CNBD1: variants seen among roughly 807,000 people sequenced by gnomAD.
CNBD1 encodes the protein cyclic nucleotide binding domain containing 1.
Under a neutral mutation model 54.4 loss-of-function variants are expected in CNBD1, and 71 were observed. The ratio of observed to expected loss-of-function variants is 1.30; its 90% CI spans 1.08 to 1.59. CNBD1 has a LOEUF of 1.59. Among genes scored for constraint, CNBD1 ranks in the 40% most tolerant of loss-of-function variants. The pLI is 0.00. For synonymous variants in CNBD1, 182 were observed against 170.7 expected (o/e 1.07, Z -0.51); for missense variants, 659 against 518.0 (o/e 1.27, Z -2.64).
intron 4 of CNBD1, among the ~76,000 whole-genome samples, chr8:87,100,980 A>G (rs1811418345): frequency 6.6e-6 from 1 of 152,178 alleles, no homozygotes; most frequent in South Asian, 2.1e-4. Flanking sequence ...AGAGAAATAA[A>G]TGAAACAAAA....
At chr8:87,001,751 T>C (rs1344995074) in intron 4 of CNBD1, among the ~76,000 whole-genome samples, 1 of 152,170 alleles carries the variant, frequency 6.6e-6, no homozygotes, top group Non-Finnish European at 1.5e-5. Flanking sequence ...CAAAGTGTTT[T>C]ACCTTCTGAG....
At chr8:87,207,266 T>A (rs1036230015) in intron 5 of CNBD1, among the ~76,000 whole-genome samples, 7 of 152,150 alleles carry the variant, frequency 4.6e-5, no homozygotes, top group Admixed American at 6.5e-5. Flanking sequence ...GGGAACAATC[T>A]AAATGTCCTT....
intron 6 of CNBD1, among the ~76,000 whole-genome samples, chr8:87,276,589 C>T (rs920124165): frequency 6.6e-6 from 1 of 151,840 alleles, no homozygotes; most frequent in Admixed American, 6.6e-5. Flanking sequence ...TATTGAATGT[C>T]AGTCTGCTTT....
chr8:86,933,315 C>T (rs190679502), intron 3 of CNBD1, among the ~76,000 whole-genome samples: 14 of 152,162 alleles, frequency 9.2e-5, no homozygotes, highest in Admixed American at 2.6e-4. Context: ...AACAAAAATC[C>T]AATTCACTAC....
At chr8:87,011,601 G>A (rs1233058432) in intron 4 of CNBD1, among the ~76,000 whole-genome samples, 1 of 149,292 alleles carries the variant, frequency 6.7e-6, no homozygotes, top group Non-Finnish European at 1.5e-5. Context: ...TAAAAATGTT[G>A]TAAAAAAATC....
intron 8 of CNBD1, among the ~76,000 whole-genome samples, chr8:87,315,844 C>A (rs775988570): frequency 2.6e-5 from 4 of 151,872 alleles, no homozygotes; most frequent in Non-Finnish European, 5.9e-5. Context: ...AAGTAGGTAG[C>A]AGAGAAGATT....
intron 6 of CNBD1, among the ~76,000 whole-genome samples, chr8:87,277,793 A>G (rs1808514002): frequency 6.6e-6 from 1 of 151,750 alleles, no homozygotes; most frequent in African/African-American, 2.4e-5. Flanking sequence ...AGCTAGAACA[A>G]TCAATGGTTT....
chr8:86,922,478 G>A (rs1038562016), intron 3 of CNBD1, among the ~76,000 whole-genome samples: 1 of 152,146 alleles, frequency 6.6e-6, no homozygotes, highest in Non-Finnish European at 1.5e-5. Flanking sequence ...TCTCTGCCAT[G>A]CTTTGGTCTT....
At chr8:87,053,741 C>T (rs1810358035) in intron 4 of CNBD1, among the ~76,000 whole-genome samples, 1 of 152,188 alleles carries the variant, frequency 6.6e-6, no homozygotes, top group African/African-American at 2.4e-5. Context: ...TCCCAGGTCT[C>T]CCAGGTATAT....
chr8:86,886,736 C>G (rs920948111), intron 1 of CNBD1, among the ~76,000 whole-genome samples: 1 of 152,142 alleles, frequency 6.6e-6, no homozygotes, highest in East Asian at 1.9e-4. Context: ...CATTAAACCA[C>G]TGATTTTCTC....
At chr8:87,283,081 C>T (rs1317718567) in intron 6 of CNBD1, among the ~76,000 whole-genome samples, 1 of 152,052 alleles carries the variant, frequency 6.6e-6, no homozygotes, top group Non-Finnish European at 1.5e-5. Flanking sequence ...CATCTATCTT[C>T]TGTAGCTATT....
At chr8:86,900,314 T>G (rs1808913555) in intron 2 of CNBD1, among the ~76,000 whole-genome samples, 1 of 152,156 alleles carries the variant, frequency 6.6e-6, no homozygotes, top group South Asian at 2.1e-4. Context: ...TGATAAAAGT[T>G]TTTCCTGAGT....
chr8:87,303,769 T>C (rs1330352477), intron 8 of CNBD1, among the ~76,000 whole-genome samples: 1 of 129,826 alleles, frequency 7.7e-6, no homozygotes, highest in African/African-American at 2.9e-5. Flanking sequence ...GAATCTACAA[T>C]GAACTCAAAC....
intron 8 of CNBD1, among the ~76,000 whole-genome samples, chr8:87,287,967 C>T (rs1324553788): frequency 2.0e-5 from 3 of 151,492 alleles, no homozygotes; most frequent in Admixed American, 6.6e-5. Context: ...ACATTTTTTT[C>T]CTAATTAGTT....
chr8:87,010,264 G>A (rs577740081), intron 4 of CNBD1, among the ~76,000 whole-genome samples: 5 of 151,972 alleles, frequency 3.3e-5, no homozygotes, highest in Non-Finnish European at 7.4e-5. Context: ...TATAGACAAT[G>A]GTTCATGTGT....
In CNBD1 at chr8:87,319,613, T is replaced by A. The variant is rs899351216; in HGVS notation, c.1043-32072T>A. On this transcript the variant is annotated intron_variant, in intron 8 of 10. Transcript: ENST00000518476. ...AAGAACAAAACTATTACTAGAATTG[T>A]GTAGCAACAGGGGAAATATACTTTC... 1.0e-3 allele frequency among the ~76,000 whole-genome samples: 158 copies of A among 152,218 alleles called. 5 individuals carry two copies. Among genetic ancestry groups the A allele is most frequent in the Non-Finnish European group, 5.7e-4 (39 of 67,990 alleles).
chr8:87,036,154 A>G (rs2130601877), intron 4 of CNBD1, among the ~76,000 whole-genome samples: 1 of 152,304 alleles, frequency 6.6e-6, no homozygotes, highest in East Asian at 1.9e-4. Context: ...GACATTTTCT[A>G]TTAACATGTT....
At chr8:86,898,719 A>G (rs1283270268) in intron 2 of CNBD1, among the ~76,000 whole-genome samples, 2 of 152,166 alleles carry the variant, frequency 1.3e-5, no homozygotes, top group East Asian at 1.9e-4. Flanking sequence ...ATAAAACCAT[A>G]TAAGATAACA....
chr8:87,306,360 G>A (rs903768167), intron 8 of CNBD1, among the ~76,000 whole-genome samples: 3 of 152,140 alleles, frequency 2.0e-5, no homozygotes, highest in Admixed American at 6.6e-5. Context: ...AGAACTAAAT[G>A]TAGAACTACC....
Sources: gnomAD v4.1 joint callset for allele counts (sites outside exome capture counted in the v4.1 genomes callset) on GRCh38, gnomAD v4.1.1 for gene constraint, MANE v1.5 for transcripts, NCBI Gene and HGNC (gene_info 2026-07-23, HGNC 2026-07-21) for gene names.